CDH2: variants seen among roughly 807,000 people sequenced by gnomAD.
CDH2 encodes cadherin 2, also known as cadherin-2.
CDH2 carries 17 observed loss-of-function variants against 92.0 expected under a neutral mutation model. The observed-to-expected ratio is 0.18, with a 90% CI of 0.13 to 0.28. The LOEUF (loss-of-function observed/expected upper bound fraction) is 0.28. Ranked by LOEUF, CDH2 falls within the 10% of genes least tolerant of loss-of-function variation. The pLI is 1.00. For missense variants in CDH2, 862 were observed against 1,133.1 expected, an observed-to-expected ratio of 0.76 and a Z score of 3.44; for synonymous variants, 419 against 415.9, an observed-to-expected ratio of 1.01 and a Z score of -0.09.
intron 1 of CDH2, among the ~76,000 whole-genome samples, chr18:28,153,675 G>C (rs1179458369): frequency 6.6e-6 from 1 of 152,188 alleles, no homozygotes; most frequent in Non-Finnish European, 1.5e-5. Context: ...AGACCTCTGA[G>C]AAGAAACAGT....
chr18:28,002,856 C>T, intron 7 of CDH2, 141 bp downstream of exon 7: 4 of 769,256 alleles, frequency 5.2e-6, no homozygotes, highest in South Asian at 1.8e-5. Flanking sequence ...GAAAAATATA[C>T]AACAGATTAC....
At chr18:28,120,783 C>T (rs192699784) in intron 2 of CDH2, among the ~76,000 whole-genome samples, 6 of 152,206 alleles carry the variant, frequency 3.9e-5, no homozygotes, top group African/African-American at 9.6e-5. Context: ...AACACTCAGT[C>T]ACAACACACA....
At chr18:28,156,686 C>A (rs34740277) in intron 1 of CDH2, among the ~76,000 whole-genome samples, 1 of 64,266 alleles carries the variant, frequency 1.6e-5, no homozygotes, top group Non-Finnish European at 2.7e-5. Context: ...CCAGGTACAG[C>A]ATGTCACCTT....
At chr18:28,140,382 G>A (rs911830972) in intron 2 of CDH2, among the ~76,000 whole-genome samples, 2 of 151,944 alleles carry the variant, frequency 1.3e-5, no homozygotes, top group African/African-American at 4.8e-5. Context: ...AAGTACTATG[G>A]TCTGAATGGT....
intron 2 of CDH2, among the ~76,000 whole-genome samples, chr18:28,077,220 G>A (rs1007044864): frequency 2.6e-5 from 4 of 152,122 alleles, no homozygotes; most frequent in Non-Finnish European, 5.9e-5. Flanking sequence ...GCCAACTACT[G>A]AGTAATGGCA....
At chr18:28,042,283 G>A (rs1433627632) in intron 2 of CDH2, among the ~76,000 whole-genome samples, 7 of 152,044 alleles carry the variant, frequency 4.6e-5, no homozygotes, top group South Asian at 2.1e-4. Context: ...GGGAAATAAC[G>A]TTTTATTACT....
chr18:28,028,558 G>A (rs1428171229), intron 2 of CDH2, among the ~76,000 whole-genome samples: 1 of 151,988 alleles, frequency 6.6e-6, no homozygotes, highest in Non-Finnish European at 1.5e-5. Context: ...AAAAAGGTCA[G>A]GATCATACAT....
At chr18:28,031,184 C>A (rs889149317) in intron 2 of CDH2, among the ~76,000 whole-genome samples, 4 of 151,772 alleles carry the variant, frequency 2.6e-5, no homozygotes, top group African/African-American at 7.3e-5. Context: ...GTTCACCCTC[C>A]TCCTGTACAA....
At chr18:27,940,460 C>T (rs1567929133) in intron 6 of CDH2, among the ~76,000 whole-genome samples, 2 of 152,134 alleles carry the variant, frequency 1.3e-5, no homozygotes, top group African/African-American at 4.8e-5. Context: ...TCCATCAAGT[C>T]CTTCCACCTT....
At chr18:27,964,699 A>ATG (rs2011494281) in intron 14 of CDH2, among the ~76,000 whole-genome samples, 1 of 152,198 alleles carries the variant, frequency 6.6e-6, no homozygotes, top group South Asian at 2.1e-4. Flanking sequence ...CTCTTAGTAC[A>ATG]TGTGATACTA....
chr18:28,014,636 C>T (rs1599034530), intron 2 of CDH2, among the ~76,000 whole-genome samples: 1 of 151,518 alleles, frequency 6.6e-6, no homozygotes, highest in Non-Finnish European at 1.5e-5. Flanking sequence ...AAAGGTGTAT[C>T]CCAAAAGAAA....
chr18:28,074,162 T>C (rs2014674296), intron 2 of CDH2, among the ~76,000 whole-genome samples: 1 of 152,182 alleles, frequency 6.6e-6, no homozygotes, highest in African/African-American at 2.4e-5. Context: ...AGTAGTCATG[T>C]AAAGGTGAAC....
At chr18:27,999,946 C>T (rs2144000160) in intron 7 of CDH2, among the ~76,000 whole-genome samples, 1 of 152,022 alleles carries the variant, frequency 6.6e-6, no homozygotes, top group East Asian at 1.9e-4. Flanking sequence ...CTGGCATTTC[C>T]CCTGCTTGCA....
At chr18:27,937,310 A>G (rs917201974) in intron 6 of CDH2, among the ~76,000 whole-genome samples, 2 of 152,186 alleles carry the variant, frequency 1.3e-5, no homozygotes, top group African/African-American at 4.8e-5. Context: ...TCGTAGAATT[A>G]GACATGACTA....
chr18:28,126,719 A>G (rs1458264321), intron 2 of CDH2, among the ~76,000 whole-genome samples: 1 of 152,148 alleles, frequency 6.6e-6, no homozygotes. Flanking sequence ...TGTTTCAAAC[A>G]TTCATTGAGG....
At chr18:28,070,625 G>A (rs537602829) in intron 2 of CDH2, among the ~76,000 whole-genome samples, 5 of 152,286 alleles carry the variant, frequency 3.3e-5, no homozygotes, top group Admixed American at 6.5e-5. Context: ...TAAACCAGAC[G>A]ACAAAGCCTT....
chr18:27,950,807 T>C (rs968385835), downstream of CDH2, among the ~76,000 whole-genome samples: 1 of 152,160 alleles, frequency 6.6e-6, no homozygotes, highest in Admixed American at 6.5e-5. Flanking sequence ...CCAAAATGAT[T>C]CTCTCTGCTG....
intron 14 of CDH2, among the ~76,000 whole-genome samples, chr18:27,969,510 TC>T (rs1038962206): frequency 6.6e-6 from 1 of 152,166 alleles, no homozygotes; most frequent in Non-Finnish European, 1.5e-5. Context: ...ACTGTTGAAA[TC>T]CTATCACAAC....
At chr18:28,034,441 C>A (rs1027383345) in intron 2 of CDH2, among the ~76,000 whole-genome samples, 2 of 149,872 alleles carry the variant, frequency 1.3e-5, no homozygotes, top group Non-Finnish European at 3.0e-5. Flanking sequence ...TATTTTTTTT[C>A]TGGTTTTTAA....
Sources: gnomAD v4.1 joint callset for allele counts (sites outside exome capture counted in the v4.1 genomes callset) on GRCh38, gnomAD v4.1.1 for gene constraint, MANE v1.5 for transcripts, NCBI Gene and HGNC (gene_info 2026-07-23, HGNC 2026-07-21) for gene names.